The following TRNT1 variants were observed in gnomAD, a reference collection of about 807,000 sequenced individuals.
TRNT1 encodes CCA tRNA nucleotidyltransferase 1, mitochondrial.
TRNT1 carries 44 observed loss-of-function variants against 45.6 expected under a neutral mutation model. The ratio of observed to expected loss-of-function variants is 0.97; its 90% CI spans 0.76 to 1.24. TRNT1 has a LOEUF of 1.24. TRNT1 is among the 50% of genes most tolerant of loss of function. The pLI is 0.00. For missense variants in TRNT1, 633 were observed against 504.4 expected (o/e 1.25, Z -2.44); for synonymous variants, 201 against 171.4 (o/e 1.17, Z -1.35).
chr3:3,141,104 C>T (rs927633111), intron 4 of TRNT1, among the ~76,000 whole-genome samples: 19 of 150,544 alleles, frequency 1.3e-4, no homozygotes, highest in African/African-American at 4.8e-4. Context: ...AGCCAAAATC[C>T]CTGGGTTCAA....
downstream of TRNT1, chr3:3,150,161 A>C (rs1225859102): frequency 6.6e-6 from 1 of 152,172 alleles, no homozygotes; most frequent in African/African-American, 2.4e-5. Flanking sequence ...TAATTTTTGA[A>C]AAATAGCTTT....
At chr3:3,143,728 A>G (rs898607233) in intron 4 of TRNT1, among the ~76,000 whole-genome samples, 2 of 152,158 alleles carry the variant, frequency 1.3e-5, no homozygotes, top group African/African-American at 4.8e-5. Context: ...AAATACAAAA[A>G]TTAGCTGTGT....
At chr3:3,152,528 G>GTC (rs1198393394), downstream of TRNT1, 1 of 1,613,682 alleles carries the variant, frequency 6.2e-7, no homozygotes. Flanking sequence ...CACAGTAAGT[G>GTC]TCTCATGCAC....
intron 3 of TRNT1, among the ~76,000 whole-genome samples, chr3:3,138,878 A>C (rs1052130069): frequency 6.6e-6 from 1 of 151,962 alleles, no homozygotes; most frequent in African/African-American, 2.4e-5. Context: ...GCTTTCCTTG[A>C]ATTTGGGTGA....
At chr3:3,135,776 C>T (rs1705291703) in intron 2 of TRNT1, among the ~76,000 whole-genome samples, 1 of 152,084 alleles carries the variant, frequency 6.6e-6, no homozygotes, top group South Asian at 2.1e-4. Context: ...TAGTTGAATG[C>T]TCGTGTTGCT....
intron 2 of TRNT1, among the ~76,000 whole-genome samples, chr3:3,132,742 A>AC (rs1382222583): frequency 7.4e-6 from 1 of 134,876 alleles, no homozygotes; most frequent in Non-Finnish European, 1.6e-5. Context: ...AAAAAAAAAA[A>AC]AACACAAAAA....
At chr3:3,137,225 CT>C in intron 2 of TRNT1, 34 bp from the exon 3 acceptor site, 1 of 1,521,072 alleles carries the variant, frequency 6.6e-7, no homozygotes, top group Non-Finnish European at 8.9e-7. Flanking sequence ...AAATAAAGAA[CT>C]TGGGAATAAA....
rs757405730 is a variant in TRNT1 at position 3,147,594 on chromosome 3, C to T, written c.947C>T (p.Ala316Val). The T allele has an allele frequency of 3.7e-6, 6 of 1,613,558 alleles. No individual in the cohort carries two copies. The highest frequency in any genetic ancestry group is 5.1e-6 in the Non-Finnish European group (6 of 1,179,818). Residue 316 changes from alanine to valine, a missense_variant, in exon 7 of 8, where the codon GCA becomes GTA. By Grantham distance (64) the Ala-to-Val change is moderately conservative. Transcript: ENST00000251607. ...AAATTGGATTTGAGGTTGAAGATCGCAAAAGAGGAGAAAAACCTTGGCTTA... is the reference window on the plus strand; with the variant it reads ...AAATTGGATTTGAGGTTGAAGATCGTAAAAGAGGAGAAAAACCTTGGCTTA... ...VTKLDLRLKI[A>V]KEEKNLGLFI...
chr3:3,144,641 AAGTT>A lies in TRNT1; in HGVS notation c.542_545del (p.Val181AspfsTer18), dbSNP rs769317780. 3.0e-5 allele frequency: 48 copies of A among 1,586,302 alleles called. No individual in the cohort carries two copies. Among genetic ancestry groups the A allele is most frequent in the Non-Finnish European group, 3.9e-5 (45 of 1,159,536 alleles). Reference sequence around the variant, plus strand: ...GGTTATGAAGATTTAAAAAATAAGAAAGTTAGATTTGTTGGACATGCTAAACAGA... The same window carrying A: ...GGTTATGAAGATTTAAAAAATAAGAAAGATTTGTTGGACATGCTAAACAGA... On this transcript the variant is annotated frameshift_variant, in exon 5 of 8. Transcript: ENST00000251607. LOFTEE classifies it high-confidence loss of function.
At chr3:3,128,721 G>A (rs1013415425) in intron 1 of TRNT1, among the ~76,000 whole-genome samples, 4 of 151,980 alleles carry the variant, frequency 2.6e-5, no homozygotes, top group African/African-American at 9.7e-5. Flanking sequence ...TAAGGGCACT[G>A]GCTGGCTCTT....
Position 3,148,670 on chromosome 3 carries a change from C to T in TRNT1, c.*516C>T, listed in dbSNP as rs1407685621. ...TACTAAATGTGTCCCCAGTTGCTGG[C>T]ATTCATATGTACAGGATTTGTTCTA... is the stretch of plus-strand genomic sequence containing the variant. On this transcript the variant is annotated 3_prime_UTR_variant, in exon 8 of 8. Transcript: ENST00000251607. 6.6e-6 allele frequency: 1 copy of T among 152,616 alleles called. No homozygotes were observed. Among genetic ancestry groups the T allele is most frequent in the East Asian group, 1.9e-4 (1 of 5,204 alleles). The allele number at this position is 152,616 out of a possible 1,614,324, so 9.5% of individuals were successfully genotyped here. A position where few individuals can be genotyped will look rare whatever the true frequency, so the allele number is the denominator to read the frequency against.
At chr3:3,136,544 C>A in intron 2 of TRNT1, 1 of 390,744 alleles carries the variant, frequency 2.6e-6, no homozygotes, top group East Asian at 7.2e-5. Context: ...GAACATCCTG[C>A]CTCAACATCT....
rs753167717 is a variant in TRNT1 at position 3,147,984 on chromosome 3, C to A, written c.1135C>A (p.Gln379Lys). The change falls in exon 8 of 8, where the codon CAG (glutamine) becomes AAG (lysine). Residue 379 changes from glutamine to lysine, a missense_variant. Gln to Lys is a moderately conservative substitution (Grantham distance 53, BLOSUM62 1). Coordinates refer to ENST00000251607, the MANE Select transcript of TRNT1 (RefSeq NM_182916.3). ...AGAGCACTGTCTCCTAAAGGAAATG[C>A]AGCAGTGGTCCATTCCTCCATTTCC... Reference protein sequence around the residue: ...QGEHCLLKEMQQWSIPPFPVS... With the variant: ...QGEHCLLKEMKQWSIPPFPVS... 1 of 1,613,888 alleles carries A rather than the reference C, an allele frequency of 6.2e-7. No homozygotes were observed. The highest frequency in any genetic ancestry group is 1.3e-5 in the African/African-American group (1 of 74,926).
chr3:3,150,066 A>C (rs1418395013), downstream of TRNT1: 1 of 152,206 alleles, frequency 6.6e-6, no homozygotes, highest in African/African-American at 2.4e-5. Context: ...TTTACATTGA[A>C]CAAAATAATA....
At chr3:3,152,520 CAGTA>C (rs1378393902), downstream of TRNT1, 5 of 1,613,844 alleles carry the variant, frequency 3.1e-6, no homozygotes, top group Non-Finnish European at 4.2e-6. Context: ...GCCTTATACA[CAGTA>C]AGTGTCTCAT....
At chr3:3,144,103 CAATT>C (rs1705829698) in intron 4 of TRNT1, among the ~76,000 whole-genome samples, 1 of 152,104 alleles carries the variant, frequency 6.6e-6, no homozygotes, top group Non-Finnish European at 1.5e-5. Context: ...TTATGTCATT[CAATT>C]ATTTCTTCGA....
chr3:3,135,732 T>G (rs1427179991), intron 2 of TRNT1, among the ~76,000 whole-genome samples: 1 of 152,070 alleles, frequency 6.6e-6, no homozygotes, highest in Non-Finnish European at 1.5e-5. Context: ...TGAGTTGTGA[T>G]TAGAGGTGCT....
In TRNT1 at chr3:3,129,169, A is replaced by G; in HGVS notation, c.129A>G (p.Glu43=). 1 of 1,614,158 alleles carries G rather than the reference A, an allele frequency of 6.2e-7. No homozygotes were observed. Among genetic ancestry groups the G allele is most frequent in the Non-Finnish European group, 8.5e-7 (1 of 1,179,990 alleles). The part of the protein sequence containing the change: ...QSPEFQSLFT[E]GLKSLTELFV... Reference sequence around the variant, plus strand: ...CCGAATTCCAGTCACTTTTCACAGAAGGACTGAAGAGTCTGACAGGTGAGA... The same window carrying G: ...CCGAATTCCAGTCACTTTTCACAGAGGGACTGAAGAGTCTGACAGGTGAGA... The change falls in exon 2 of 8, where the codon GAA becomes GAG. Residue 43 remains glutamate, a synonymous_variant. Transcript: ENST00000251607.
chr3:3,152,411 A>C, downstream of TRNT1: 1 of 1,582,860 alleles, frequency 6.3e-7, no homozygotes, highest in East Asian at 2.4e-5. Flanking sequence ...CTGCCCAATT[A>C]AGGTAAAAAA....
Sources: allele counts gnomAD v4.1 joint callset (sites outside exome capture counted in the v4.1 genomes callset), GRCh38; gene constraint gnomAD v4.1.1; transcripts MANE v1.5; gene names NCBI Gene and HGNC (gene_info 2026-07-23, HGNC 2026-07-21).